STARD13: variants seen among roughly 807,000 people sequenced by gnomAD.
STARD13 encodes stAR-related lipid transfer protein 13.
In STARD13, 62 loss-of-function variants were observed where a neutral mutation model predicts 106.4. The observed-to-expected ratio is 0.58, with a 90% CI of 0.48 to 0.72. The LOEUF is 0.72. Ranked by LOEUF, STARD13 falls within the 30% of genes least tolerant of loss-of-function variation. STARD13 has a pLI of 0.00. For synonymous variants in STARD13, 565 were observed against 553.0 expected (o/e 1.02, Z -0.31); for missense variants, 1,387 against 1,424.0 (o/e 0.97, Z 0.42).
In STARD13 at chr13:33,106,829, G is replaced by A. The variant is rs1240645150; in HGVS notation, c.3153C>T (p.Asp1051=). The A allele has an allele frequency of 1.2e-6, 2 of 1,614,032 alleles. No individual in the cohort carries two copies. The highest frequency in any genetic ancestry group is 1.7e-6 in the Non-Finnish European group (2 of 1,180,026). ...LLGGVRAVVM[D]SQYLIEPCGS... ...CACACGGTTCTATCAAGTACTGCGA[G>A]TCCATCACCACTGCTCGCACACCAC... Residue 1051 remains aspartate, a synonymous_variant, in exon 13 of 14, where the codon GAC becomes GAT. Coordinates refer to ENST00000336934, the MANE Select transcript of STARD13 (RefSeq NM_178006.4).
chr13:33,589,796 C>T, the STARD13 span, among the ~76,000 whole-genome samples: 1 of 152,270 alleles, frequency 6.6e-6, no homozygotes, highest in African/African-American at 2.4e-5. Flanking sequence ...GTGGAGAGCT[C>T]TGTAGATGTC....
At chr13:33,482,426 T>C in the STARD13 span, among the ~76,000 whole-genome samples, 1 of 152,208 alleles carries the variant, frequency 6.6e-6, no homozygotes, top group South Asian at 2.1e-4. Context: ...CAGTATTTTG[T>C]CCTAATGTAA....
chr13:33,247,331 A>T (rs1486359114), intron 1 of STARD13, among the ~76,000 whole-genome samples: 1 of 152,118 alleles, frequency 6.6e-6, no homozygotes, highest in Non-Finnish European at 1.5e-5. Flanking sequence ...GAATGGAGGG[A>T]CACTCTGAGT....
At position 33,130,056 on chromosome 13, in the gene STARD13, G is replaced by A. The variant is rs1173530187; in HGVS notation, c.621C>T (p.Asp207=). The A allele has an allele frequency of 6.2e-7, 1 of 1,613,836 alleles. No individual in the cohort carries two copies. Among genetic ancestry groups the A allele is most frequent in the Non-Finnish European group, 8.5e-7 (1 of 1,179,984 alleles). Residue 207 remains aspartate, a synonymous_variant, in exon 5 of 14, where the codon GAC becomes GAT. Transcript: ENST00000336934. The surrounding 1 kb of genome is among the most constrained non-coding windows in gnomAD (Gnocchi z 4.1). ...AGCACTGGCCCGGCTGGCTGCGACT[G>A]TCGCTGCCTCCACTGCTTTCGCTGT... ...SIHSESSGGS[D]SRSQPGQCCT...
chr13:33,474,318 C>G, the STARD13 span, among the ~76,000 whole-genome samples: 1 of 152,136 alleles, frequency 6.6e-6, no homozygotes, highest in Non-Finnish European at 1.5e-5. Context: ...CTGCTTTACC[C>G]AAAATTTTGG....
chr13:33,621,970 A>G, the STARD13 span, among the ~76,000 whole-genome samples: 2 of 151,396 alleles, frequency 1.3e-5, no homozygotes, highest in African/African-American at 4.8e-5. Flanking sequence ...ACGCCCGGCT[A>G]ATTTTTGTAC....
chr13:33,129,343 C>T lies in STARD13; in HGVS notation c.1334G>A (p.Arg445Gln), dbSNP rs971067280. The T allele has an allele frequency of 1.4e-5, 23 of 1,614,120 alleles. No individual in the cohort carries two copies. Among genetic ancestry groups the T allele is most frequent in the Admixed American group, 1.3e-4 (8 of 60,024 alleles). ...GGCTCTGTGGCAGGACGCCATGAGC[C>T]GGGGCTCCCTGGCACCAGGGACCTG... ...REQVPGAREPRLMASCHRASR... is the reference protein window; with the variant it reads ...REQVPGAREPQLMASCHRASR... The change falls in exon 5 of 14, where the codon CGG becomes CAG. Residue 445 changes from arginine (R) to glutamine (Q), a missense_variant. Coordinates refer to ENST00000336934, the MANE Select transcript of STARD13 (RefSeq NM_178006.4).
At chr13:33,439,715 C>T in the STARD13 span, 18 of 1,257,186 alleles carry the variant, frequency 1.4e-5, no homozygotes, top group Non-Finnish European at 1.9e-5. Flanking sequence ...GGTCTGTTAT[C>T]AGAGAGCACC....
intron 1 of STARD13, among the ~76,000 whole-genome samples, chr13:33,334,571 G>A (rs1394446230): frequency 6.6e-6 from 1 of 152,166 alleles, no homozygotes; most frequent in Non-Finnish European, 1.5e-5. Context: ...TCACCCCCAA[G>A]ACATAAAAGG....
intron 1 of STARD13, among the ~76,000 whole-genome samples, chr13:33,251,152 T>C (rs1228736981): frequency 6.6e-6 from 1 of 152,182 alleles, no homozygotes; most frequent in Non-Finnish European, 1.5e-5. Flanking sequence ...TTATAAAATA[T>C]CATCACATCA....
chr13:33,337,457 A>G lies in STARD13; in HGVS notation c.124+12833T>C, dbSNP rs568368566. ...GTACCACAATACTTTTTAAAAAACT[A>G]ATTAAAATATTTGCTTCAATATATG... On this transcript the variant is annotated intron_variant, in intron 1 of 5. Coordinates refer to the STARD13 transcript ENST00000567873. Among the ~76,000 whole-genome samples the G allele has an allele frequency of 2.6e-5, 4 of 152,352 alleles. No homozygotes were observed. The South Asian group carries it at 8.3e-4, about 32-fold the overall frequency.
At chr13:33,108,761 C>T (rs868752217) in intron 12 of STARD13, among the ~76,000 whole-genome samples, 7 of 152,170 alleles carry the variant, frequency 4.6e-5, no homozygotes, top group African/African-American at 7.2e-5. Flanking sequence ...GGAGGAGGCA[C>T]GCTATGGCAT....
chr13:33,142,583 T>C (rs1311615950), intron 3 of STARD13, among the ~76,000 whole-genome samples: 1 of 152,208 alleles, frequency 6.6e-6, no homozygotes, highest in African/African-American at 2.4e-5. Context: ...CCACTAAGCC[T>C]ACCAATCCCT....
At chr13:33,562,251 T>C in the STARD13 span, among the ~76,000 whole-genome samples, 3 of 147,090 alleles carry the variant, frequency 2.0e-5, no homozygotes, top group African/African-American at 7.6e-5. Flanking sequence ...GAAAAGTTTA[T>C]TTCTATCATC....
the STARD13 span, among the ~76,000 whole-genome samples, chr13:33,546,264 G>T: frequency 1.3e-5 from 2 of 152,102 alleles, no homozygotes; most frequent in Non-Finnish European, 2.9e-5. Flanking sequence ...GATGTATAAT[G>T]AATATTTGTG....
At chr13:33,288,594 AAAAG>A (rs1394599170), upstream of STARD13, among the ~76,000 whole-genome samples, 1 of 151,974 alleles carries the variant, frequency 6.6e-6, no homozygotes, top group East Asian at 1.9e-4. Flanking sequence ...TTTTTTTAAA[AAAAG>A]GGAATTTTTA....
chr13:33,499,701 C>T, the STARD13 span, among the ~76,000 whole-genome samples: 5 of 139,654 alleles, frequency 3.6e-5, no homozygotes, highest in African/African-American at 8.0e-5. Context: ...CTTCCTCTTC[C>T]TCTTCCTCTT....
the STARD13 span, among the ~76,000 whole-genome samples, chr13:33,553,827 C>T: frequency 1.3e-5 from 2 of 152,036 alleles, no homozygotes; most frequent in African/African-American, 4.8e-5. Flanking sequence ...ATCCACCTGC[C>T]TCAGCCTCCC....
At chr13:33,202,016 A>G (rs1391738629) in intron 1 of STARD13, among the ~76,000 whole-genome samples, 2 of 152,178 alleles carry the variant, frequency 1.3e-5, no homozygotes, top group African/African-American at 4.8e-5. Flanking sequence ...AGCTTTGTCT[A>G]CATTTTTATG....
Sources: gnomAD v4.1 joint callset for allele counts (sites outside exome capture counted in the v4.1 genomes callset) on GRCh38, gnomAD v4.1.1 for gene constraint, Gnocchi (gnomAD v3.1) non-coding constraint, MANE v1.5 for transcripts, NCBI Gene and HGNC (gene_info 2026-07-23, HGNC 2026-07-21) for gene names.